LAMA2: variants seen among roughly 807,000 people sequenced by gnomAD.
The protein encoded by LAMA2 is laminin subunit alpha-2.
Under a neutral mutation model 364.8 loss-of-function variants are expected in LAMA2, and 269 were observed. That is an observed-to-expected ratio of 0.74 (90% CI 0.67 to 0.82). The LOEUF is 0.82. Among genes scored for constraint, LAMA2 ranks in the 40% least tolerant of loss-of-function variants. LAMA2 has a pLI of 0.00. For missense variants in LAMA2, 3,807 were observed against 3,873.2 expected (o/e 0.98, Z 0.45); for synonymous variants, 1,379 against 1,370.6 (o/e 1.01, Z -0.14).
chr6:129,422,988 A>G (rs1048157173), intron 40 of LAMA2, among the ~76,000 whole-genome samples: 9 of 152,266 alleles, frequency 5.9e-5, no homozygotes, highest in South Asian at 2.1e-4. Context: ...AGGATTATAC[A>G]TGATCACTAA....
chr6:129,219,849 A>C (rs568367736), intron 12 of LAMA2, among the ~76,000 whole-genome samples: 1 of 146,232 alleles, frequency 6.8e-6, no homozygotes, highest in East Asian at 1.9e-4. Flanking sequence ...GAGGGGGGAG[A>C]GATAGCATTA....
At chr6:128,996,614 T>G (rs1297231910) in intron 1 of LAMA2, among the ~76,000 whole-genome samples, 2 of 152,132 alleles carry the variant, frequency 1.3e-5, no homozygotes, top group East Asian at 3.9e-4. Context: ...ATCATTAAAA[T>G]GTCAGGAAAC....
intron 51 of LAMA2, among the ~76,000 whole-genome samples, chr6:129,466,785 A>T (rs1373411147): frequency 7.2e-5 from 11 of 152,032 alleles, no homozygotes; most frequent in African/African-American, 2.6e-4. Flanking sequence ...GCAGGAAATT[A>T]TCAGTAGGGG....
intron 1 of LAMA2, among the ~76,000 whole-genome samples, chr6:128,931,898 T>C (rs1012782784): frequency 3.3e-5 from 5 of 152,226 alleles, no homozygotes; most frequent in Admixed American, 2.0e-4. Context: ...ATTCTTTTAA[T>C]TTAACTCCAT....
At chr6:129,277,929 C>G (rs148078699) in intron 17 of LAMA2, among the ~76,000 whole-genome samples, 19 of 152,216 alleles carry the variant, frequency 1.2e-4, no homozygotes, top group Non-Finnish European at 2.2e-4. Context: ...AGGCCAGGTG[C>G]AATGGCTCAT....
In LAMA2 at chr6:129,500,806, G is replaced by A. The variant is rs114534319; in HGVS notation, c.8245-1853G>A. On this transcript the variant is annotated intron_variant, in intron 58 of 64. Transcript: ENST00000421865. ...TTCCCCATAACATACAGCTGCTACC[G>A]GGAGTGTACAACTGCCACCTTGAAA... 8.0e-3 allele frequency among the ~76,000 whole-genome samples: 1,224 copies of A among 152,228 alleles called. 23 individuals carry two copies. Among genetic ancestry groups the A allele is most frequent in the African/African-American group, 0.028 (1,151 of 41,534 alleles).
chr6:129,098,061 T>C, intron 3 of LAMA2, 112 bp from the exon 4 acceptor site: 1 of 1,172,610 alleles, frequency 8.5e-7, no homozygotes, highest in Non-Finnish European at 1.3e-6. Context: ...ATTATAAGAT[T>C]ATAGAATAAA....
At chr6:129,437,226 A>T (rs781470184) in intron 41 of LAMA2, among the ~76,000 whole-genome samples, 35 of 152,144 alleles carry the variant, frequency 2.3e-4, no homozygotes, top group Non-Finnish European at 4.1e-4. Flanking sequence ...TTTATTAACC[A>T]TGCAAGCTTA....
chr6:128,975,473 T>C (rs770748398), intron 1 of LAMA2, among the ~76,000 whole-genome samples: 3 of 151,942 alleles, frequency 2.0e-5, no homozygotes, highest in Non-Finnish European at 2.9e-5. Flanking sequence ...TGAAAGAAAT[T>C]TGGAATGCTT....
intron 1 of LAMA2, among the ~76,000 whole-genome samples, chr6:128,970,565 A>G (rs1782128677): frequency 6.6e-6 from 1 of 152,240 alleles, no homozygotes; most frequent in South Asian, 2.1e-4. Flanking sequence ...TTAAGAATAA[A>G]TATTTTTATA....
In LAMA2 at chr6:129,516,247, C is replaced by A. The variant is rs765978739; in HGVS notation, c.9269C>A (p.Ser3090Tyr). The A allele has an allele frequency of 6.2e-7, 1 of 1,613,892 alleles. No individual in the cohort carries two copies. The highest frequency in any genetic ancestry group is 8.5e-7 in the Non-Finnish European group (1 of 1,179,964). Residue 3090 changes from serine (S) to tyrosine (Y), a missense_variant, in exon 65 of 65, where the codon TCC (serine) becomes TAC (tyrosine). Transcript: ENST00000421865. ...ATTCCGTTCCGAGGTTGCATCAGAT[C>A]CCTGAAGCTCACCAAAGGCACAGGC... ...TSIPFRGCIR[S>Y]LKLTKGTGKP...
intron 32 of LAMA2, among the ~76,000 whole-genome samples, chr6:129,364,273 T>C (rs1315693040): frequency 6.6e-6 from 1 of 152,186 alleles, no homozygotes; most frequent in Non-Finnish European, 1.5e-5. Flanking sequence ...CAGTTAATGG[T>C]TTTCTCTCCA....
intron 12 of LAMA2, among the ~76,000 whole-genome samples, chr6:129,236,956 C>T (rs547674802): frequency 6.6e-6 from 1 of 152,132 alleles, no homozygotes; most frequent in South Asian, 2.1e-4. Context: ...CAAACGTGTT[C>T]AGCAATCAGC....
intron 32 of LAMA2, 65 bp downstream of exon 32, chr6:129,353,422 G>C: frequency 3.8e-6 from 5 of 1,326,840 alleles, no homozygotes; most frequent in Non-Finnish European, 5.4e-6. Context: ...CATTTCCAAT[G>C]AGAAAGAGTG....
At chr6:129,462,463 G>A (rs1030705668) in intron 49 of LAMA2, among the ~76,000 whole-genome samples, 2 of 152,006 alleles carry the variant, frequency 1.3e-5, no homozygotes, top group East Asian at 1.9e-4. Context: ...TTGCCCCATC[G>A]CTAACACTTG....
chr6:129,201,352 G>C (rs1251577942), intron 12 of LAMA2, among the ~76,000 whole-genome samples: 1 of 152,180 alleles, frequency 6.6e-6, no homozygotes, highest in Non-Finnish European at 1.5e-5. Context: ...CCTGCACAGA[G>C]AGAGAGACGA....
chr6:129,429,758 G>A (rs192177126), intron 41 of LAMA2, among the ~76,000 whole-genome samples: 188 of 152,306 alleles, frequency 1.2e-3, no homozygotes, highest in African/African-American at 4.0e-3. Context: ...GGAAGGGAGC[G>A]AGGTGATTCA....
intron 1 of LAMA2, among the ~76,000 whole-genome samples, chr6:129,029,439 A>G (rs968274574): frequency 1.3e-5 from 2 of 152,064 alleles, no homozygotes; most frequent in East Asian, 3.8e-4. Flanking sequence ...GGAGAACAAC[A>G]TAGACACCTT....
chr6:129,050,711 C>T (rs578088157), intron 2 of LAMA2, among the ~76,000 whole-genome samples: 11 of 152,202 alleles, frequency 7.2e-5, no homozygotes, highest in East Asian at 1.9e-4. Flanking sequence ...CCTAGTTACT[C>T]GGGGAGCTAC....
Sources: gnomAD v4.1 joint callset for allele counts (sites outside exome capture counted in the v4.1 genomes callset) on GRCh38, gnomAD v4.1.1 for gene constraint, MANE v1.5 for transcripts, NCBI Gene and HGNC (gene_info 2026-07-23, HGNC 2026-07-21) for gene names.